Variants in ZNRF3 observed in about 807,000 individuals in gnomAD.
ZNRF3 encodes E3 ubiquitin-protein ligase ZNRF3.
ZNRF3 carries 23 observed loss-of-function variants against 72.5 expected under a neutral mutation model. The ratio of observed to expected loss-of-function variants is 0.32; its 90% CI spans 0.23 to 0.45. The LOEUF (loss-of-function observed/expected upper bound fraction) is 0.45. ZNRF3 is among the 20% of genes least tolerant of loss of function. ZNRF3 has a pLI of 1.00. For missense variants in ZNRF3, 1,169 were observed against 1,272.1 expected, an observed-to-expected ratio of 0.92 and a Z score of 1.23; for synonymous variants, 610 against 545.3, an observed-to-expected ratio of 1.12 and a Z score of -1.65.
chr22:28,959,757 A>G (rs1234413559), intron 1 of ZNRF3, among the ~76,000 whole-genome samples: 1 of 152,164 alleles, frequency 6.6e-6, no homozygotes, highest in African/African-American at 2.4e-5. Flanking sequence ...AGAGGGTGGG[A>G]CCTTCACAGT....
chr22:28,926,860 A>ACCTGTAATT (rs1387860157), intron 1 of ZNRF3, among the ~76,000 whole-genome samples: 7 of 151,684 alleles, frequency 4.6e-5, no homozygotes, highest in Admixed American at 1.3e-4. Flanking sequence ...GGTAGCTCAC[A>ACCTGTAATT]CCTGTAATTC....
At chr22:29,014,900 T>C (rs2036407180) in intron 2 of ZNRF3, among the ~76,000 whole-genome samples, 1 of 152,218 alleles carries the variant, frequency 6.6e-6, no homozygotes, top group African/African-American at 2.4e-5. Flanking sequence ...TCAAGGTTCC[T>C]GAAAGAAGAG....
chr22:28,918,894 C>G (rs2034461634), intron 1 of ZNRF3, among the ~76,000 whole-genome samples: 1 of 152,134 alleles, frequency 6.6e-6, no homozygotes, highest in Non-Finnish European at 1.5e-5. Flanking sequence ...TTGGGTTTCC[C>G]ATCAATAAAG....
intron 1 of ZNRF3, among the ~76,000 whole-genome samples, chr22:28,978,709 C>A (rs569625717): frequency 6.6e-6 from 1 of 151,116 alleles, no homozygotes; most frequent in Admixed American, 6.6e-5. Context: ...TCACCTTCAC[C>A]ACCCCTGATT....
chr22:28,939,080 T>C (rs2034893166), intron 1 of ZNRF3, among the ~76,000 whole-genome samples: 1 of 151,916 alleles, frequency 6.6e-6, no homozygotes, highest in African/African-American at 2.4e-5. Context: ...AGGCCAGGAG[T>C]TTGAGACCAG....
chr22:28,902,007 G>T lies in ZNRF3; in HGVS notation c.300+17941G>T, dbSNP rs1200210620. 1.9e-4 allele frequency among the ~76,000 whole-genome samples: 28 copies of T among 148,892 alleles called. No homozygotes were observed. The Admixed American group carries it at 1.9e-3, about 10-fold the overall frequency. ...GCTGGAGTGCAGTGGCATGATCTTG[G>T]CTCACTGCAACCTCCGCCTCCAGGG... On this transcript the variant is annotated intron_variant, in intron 1 of 8. Transcript: ENST00000544604.
At chr22:28,973,145 A>AT (rs1297722092) in intron 1 of ZNRF3, among the ~76,000 whole-genome samples, 1 of 152,088 alleles carries the variant, frequency 6.6e-6, no homozygotes, top group East Asian at 1.9e-4. Context: ...CACCTGGCTA[A>AT]TTTTTTAAAC....
intron 1 of ZNRF3, among the ~76,000 whole-genome samples, chr22:28,909,568 T>G (rs576781795): frequency 6.6e-6 from 1 of 152,210 alleles, no homozygotes; most frequent in Admixed American, 6.5e-5. Flanking sequence ...CGCCTTCCTT[T>G]AGCCCACATA....
intron 1 of ZNRF3, among the ~76,000 whole-genome samples, chr22:28,971,795 C>T (rs753413187): frequency 4.6e-5 from 7 of 152,192 alleles, no homozygotes; most frequent in Non-Finnish European, 1.0e-4. Flanking sequence ...TCACCTTGAA[C>T]TCCTGGGCAT....
intron 1 of ZNRF3, among the ~76,000 whole-genome samples, chr22:28,899,511 C>T (rs867608570): frequency 1.3e-5 from 2 of 152,024 alleles, no homozygotes; most frequent in African/African-American, 4.8e-5. Flanking sequence ...GCCATACCAA[C>T]CTTGTTTTTG....
At chr22:28,928,330 G>A (rs2034639901) in intron 1 of ZNRF3, among the ~76,000 whole-genome samples, 1 of 151,680 alleles carries the variant, frequency 6.6e-6, no homozygotes, top group Admixed American at 6.6e-5. Context: ...CACCTTTTTA[G>A]GCCAGACTAT....
At chr22:29,028,584 A>T (rs1457254108) in intron 2 of ZNRF3, among the ~76,000 whole-genome samples, 1 of 152,172 alleles carries the variant, frequency 6.6e-6, no homozygotes, top group African/African-American at 2.4e-5. Flanking sequence ...CTGGGACAAC[A>T]TGAGTATTTC....
In ZNRF3 at chr22:29,037,127, AG is replaced by A. The variant is rs1256819584; in HGVS notation, c.427-5365del. The stretch of plus-strand genomic sequence containing the variant: ...TTTCCCGCAATAAAGGGTAGGCACT[AG>A]GGATACCACATCCAAGAGCTTGACA... On this transcript the variant is annotated intron_variant, in intron 2 of 8. Transcript: ENST00000544604. Among the ~76,000 whole-genome samples, 5 of 152,200 alleles carry A rather than the reference AG, an allele frequency of 3.3e-5. No individual in the cohort carries two copies. In the East Asian group the frequency reaches 9.6e-4, roughly 29 times the overall value.
chr22:28,927,345 G>A (rs1264838179), intron 1 of ZNRF3, among the ~76,000 whole-genome samples: 1 of 152,124 alleles, frequency 6.6e-6, no homozygotes, highest in Non-Finnish European at 1.5e-5. Context: ...CACAAGGTCA[G>A]GAGATTGAGA....
rs1252508755 is a variant in ZNRF3, at chr22:29,055,983, G to A, written c.*2361G>A. ...GGGCTTATTAAAGTAAGTGTGTCTA[G>A]TTTTCACTTGAACAAGTGATAGCTG... On this transcript the variant is annotated 3_prime_UTR_variant, in exon 9 of 9. Coordinates refer to ENST00000544604, the MANE Select transcript of ZNRF3 (RefSeq NM_001206998.2). 1.3e-5 allele frequency: 2 copies of A among 152,144 alleles called. No homozygotes were observed. Among genetic ancestry groups the A allele is most frequent in the Non-Finnish European group, 2.9e-5 (2 of 68,028 alleles). 9.4% of individuals were successfully genotyped at this position (152,144 alleles called of 1,614,324 possible).
At chr22:28,999,890 G>A (rs111991733) in intron 2 of ZNRF3, among the ~76,000 whole-genome samples, 2 of 152,184 alleles carry the variant, frequency 1.3e-5, no homozygotes, top group African/African-American at 4.8e-5. Context: ...GAAAGGGGAC[G>A]GCAGAGAAAG....
In ZNRF3 at chr22:29,048,253, C is replaced by T. The variant is rs931555551; in HGVS notation, c.913-136C>T. 6.4e-6 allele frequency: 4 copies of T among 627,298 alleles called. No individual in the cohort carries two copies. The highest frequency in any genetic ancestry group is 1.1e-5 in the Non-Finnish European group (4 of 361,160). The allele number at this position is 627,298 out of a possible 1,614,324, so 38.9% of individuals were successfully genotyped here. A position where few individuals can be genotyped will look rare whatever the true frequency, so the allele number is the denominator to read the frequency against. ...GGGCCCTGCTTCTAGGGAATTGAGC[C>T]CTAATTGGAGGTGGGGAGGAGAGTA... On this transcript the variant is annotated intron_variant, in intron 6 of 8. Coordinates refer to ENST00000544604, the MANE Select transcript of ZNRF3 (RefSeq NM_001206998.2). The surrounding 1 kb of genome is among the most constrained non-coding windows in gnomAD (Gnocchi z 4.9).
intron 1 of ZNRF3, among the ~76,000 whole-genome samples, chr22:28,934,445 T>G (rs370332160): frequency 1.8e-4 from 28 of 152,156 alleles, no homozygotes; most frequent in African/African-American, 6.0e-4. Context: ...CTGTTTCCCC[T>G]GAATGTTGAA....
intron 1 of ZNRF3, among the ~76,000 whole-genome samples, chr22:28,933,786 C>G (rs2034769707): frequency 7.0e-6 from 1 of 143,656 alleles, no homozygotes; most frequent in South Asian, 2.4e-4. Context: ...TCTCCCCTCC[C>G]TCCTCCCTCC....
Sources: gnomAD v4.1 joint callset for allele counts (sites outside exome capture counted in the v4.1 genomes callset) on GRCh38, gnomAD v4.1.1 for gene constraint, Gnocchi (gnomAD v3.1) non-coding constraint, MANE v1.5 for transcripts, NCBI Gene and HGNC (gene_info 2026-07-23, HGNC 2026-07-21) for gene names.